CPT1A: variants seen among roughly 807,000 people sequenced by gnomAD.
CPT1A encodes the protein carnitine palmitoyltransferase 1A, also known as carnitine O-palmitoyltransferase 1, liver isoform.
A neutral mutation model predicts 100.8 loss-of-function variants in CPT1A; 64 were observed. That is an observed-to-expected ratio of 0.63 (90% CI 0.52 to 0.78). The LOEUF (loss-of-function observed/expected upper bound fraction) is 0.78. Ranked by LOEUF, CPT1A falls within the 30% of genes least tolerant of loss-of-function variation. The probability of loss-of-function intolerance (pLI) is 0.00; values close to 1 mark genes in which losing one functional copy is unlikely to be tolerated. For synonymous variants in CPT1A, 363 were observed against 396.0 expected, an observed-to-expected ratio of 0.92 and a Z score of 0.99; for missense variants, 802 against 1,034.1, an observed-to-expected ratio of 0.78 and a Z score of 3.08.
intron 1 of CPT1A, among the ~76,000 whole-genome samples, chr11:68,834,269 T>C (rs972672307): frequency 1.3e-5 from 2 of 152,106 alleles, no homozygotes; most frequent in Admixed American, 6.5e-5. Context: ...AAACCTCATC[T>C]CTAGTAAAAA....
rs533546154 is a variant in CPT1A at position 68,799,653 on chromosome 11, G to A, written c.556-298C>T. Among the ~76,000 whole-genome samples, 3 of 152,170 alleles carry A rather than the reference G, an allele frequency of 2.0e-5. No homozygotes were observed. In the South Asian group the frequency reaches 6.2e-4, roughly 32 times the overall value. ...GTCTGTGGTCCCAGCTACCTGGGGG[G>A]CTGAGGTTGGGAGGATCGCTTGAGC... is the stretch of plus-strand genomic sequence containing the variant. On this transcript the variant is annotated intron_variant, in intron 5 of 18. Transcript: ENST00000265641.
Position 68,795,781 on chromosome 11 carries a change from G to A in CPT1A, c.772-870C>T, listed in dbSNP as rs552027267. On this transcript the variant is annotated intron_variant, in intron 7 of 18. Coordinates refer to ENST00000265641, the MANE Select transcript of CPT1A (RefSeq NM_001876.4). ...AAAAATTAGCCGGGCGTTGTGGCAG[G>A]TGCCTGTAATCCCAGCTACTCGGGA... Among the ~76,000 whole-genome samples the A allele has an allele frequency of 5.3e-5, 8 of 151,964 alleles. No homozygotes were observed. In the East Asian group the frequency reaches 1.6e-3, roughly 29 times the overall value.
chr11:68,814,445 T>C (rs2154001298), intron 2 of CPT1A, among the ~76,000 whole-genome samples: 1 of 152,094 alleles, frequency 6.6e-6, no homozygotes, highest in East Asian at 1.9e-4. Context: ...TAGCTGGGAC[T>C]GCAGGCGCCC....
At chr11:68,814,213 TTAC>T (rs765374258) in intron 2 of CPT1A, among the ~76,000 whole-genome samples, 2,582 of 123,440 alleles carry the variant, frequency 0.021, 75 homozygotes, top group African/African-American at 0.11. Flanking sequence ...AACAAGACAC[TTAC>T]TTAAAAAAGA....
rs753306793 is a variant in CPT1A, at chr11:68,785,964, C to T, written c.968-954G>A. ...AATGTGATGAAGTACGTTCACTCCA[C>T]GAATATTTATCAAGTCCTCTTAAGC... On this transcript the variant is annotated intron_variant, in intron 9 of 18. Transcript: ENST00000265641. 5.5e-4 allele frequency: 383 copies of T among 700,572 alleles called. 1 individual carries two copies. The highest frequency in any genetic ancestry group is 8.7e-4 in the Non-Finnish European group (335 of 384,166). 43.4% of individuals were successfully genotyped at this position (700,572 alleles called of 1,614,324 possible). A position where few individuals can be genotyped will look rare whatever the true frequency, so the allele number is the denominator to read the frequency against.
chr11:68,842,066 G>T, upstream of CPT1A: 2 of 649,876 alleles, frequency 3.1e-6, no homozygotes, highest in Non-Finnish European at 3.8e-6. Context: ...CTCGACCTCT[G>T]CCGGAATGGG....
intron 1 of CPT1A, among the ~76,000 whole-genome samples, chr11:68,830,791 G>C (rs1856857426): frequency 6.6e-6 from 1 of 152,142 alleles, no homozygotes; most frequent in East Asian, 1.9e-4. Context: ...ACTTTAGGGG[G>C]CAGCCCACGA....
rs1857167629 is a variant in CPT1A at position 68,841,826 on chromosome 11, G to GCGA, written c.-66_-65insTCG. 1 of 999,614 alleles carries GCGA rather than the reference G, an allele frequency of 1.0e-6. No homozygotes were observed. The highest frequency in any genetic ancestry group is 1.7e-5 in the African/African-American group (1 of 57,240). The allele number at this position is 999,614 out of a possible 1,614,324, so 61.9% of individuals were successfully genotyped here. A position where few individuals can be genotyped will look rare whatever the true frequency, so the allele number is the denominator to read the frequency against. On this transcript the variant is annotated 5_prime_UTR_variant, in exon 1 of 19. Coordinates refer to ENST00000265641, the MANE Select transcript of CPT1A (RefSeq NM_001876.4). The surrounding 1 kb of genome is among the most constrained non-coding windows in gnomAD (Gnocchi z 6.3). ...GGCAGCGGCAGCGGCGGCGGCGGCGGCGGCGGTGGAGTGAACGAGCGGCGA... is the reference window on the plus strand; with the variant it reads ...GGCAGCGGCAGCGGCGGCGGCGGCGGCGACGGCGGTGGAGTGAACGAGCGGCGA...
At chr11:68,808,983 AAAT>A (rs1451028771) in intron 3 of CPT1A, among the ~76,000 whole-genome samples, 10 of 150,006 alleles carry the variant, frequency 6.7e-5, no homozygotes, top group Admixed American at 5.9e-4. Flanking sequence ...AAGAAATAAA[AAAT>A]AATAAAAATA....
chr11:68,775,122 A>T (rs1855107869), intron 13 of CPT1A, among the ~76,000 whole-genome samples, 194 bp downstream of exon 13: 1 of 152,320 alleles, frequency 6.6e-6, no homozygotes, highest in African/African-American at 2.4e-5. Context: ...ATATTTACCG[A>T]GGCTTCCGAG....
chr11:68,784,717 G>T, intron 10 of CPT1A, 98 bp downstream of exon 10: 2 of 1,216,796 alleles, frequency 1.6e-6, no homozygotes, highest in South Asian at 1.3e-5. Flanking sequence ...GGGGAGTCCC[G>T]TGCCAGGATT....
Position 68,759,577 on chromosome 11 carries a change from G to T in CPT1A, c.2227C>A (p.Pro743Thr), listed in dbSNP as rs777232283. 1 of 1,608,540 alleles carries T rather than the reference G, an allele frequency of 6.2e-7. No homozygotes were observed. The change falls in exon 18 of 19, where the codon CCT becomes ACT. Residue 743 changes from proline (P) to threonine (T), a missense_variant. Transcript: ENST00000265641. ...NFHISSKFSCPETDSHRFGRH... is the reference protein window; with the variant it reads ...NFHISSKFSCTETDSHRFGRH... ...CTTCTTTTCATACATACCGTCTCAG[G>T]GCAAGAGAACTTGGAAGAAATGTGG...
intron 4 of CPT1A, among the ~76,000 whole-genome samples, chr11:68,805,015 T>C (rs1856003486): frequency 6.6e-6 from 1 of 152,208 alleles, no homozygotes; most frequent in South Asian, 2.1e-4. Context: ...GAACCTCAGC[T>C]GTGAACCCAC....
intron 1 of CPT1A, among the ~76,000 whole-genome samples, chr11:68,819,261 G>A (rs568384578): frequency 6.6e-6 from 1 of 152,120 alleles, no homozygotes; most frequent in South Asian, 2.1e-4. Flanking sequence ...TCTATTTTTA[G>A]TGGAGACAGG....
chr11:68,830,639 C>A (rs183551762), intron 1 of CPT1A, among the ~76,000 whole-genome samples: 70 of 152,356 alleles, frequency 4.6e-4, no homozygotes, highest in African/African-American at 1.6e-3. Context: ...ACCTTCCAAG[C>A]TCAGCTCTCC....
upstream of CPT1A, among the ~76,000 whole-genome samples, chr11:68,842,695 C>T (rs1165195148): frequency 6.6e-6 from 1 of 152,118 alleles, no homozygotes; most frequent in African/African-American, 2.4e-5. Flanking sequence ...GCAGAGCGAC[C>T]GAGAGACCCT....
At chr11:68,830,834 A>G (rs564529654) in intron 1 of CPT1A, among the ~76,000 whole-genome samples, 10 of 152,354 alleles carry the variant, frequency 6.6e-5, no homozygotes, top group Non-Finnish European at 1.5e-4. Flanking sequence ...TACAAGAGAC[A>G]TTTAGCAATG....
At chr11:68,832,644 C>T (rs901534226) in intron 1 of CPT1A, among the ~76,000 whole-genome samples, 8 of 152,222 alleles carry the variant, frequency 5.3e-5, no homozygotes, top group African/African-American at 1.7e-4. Context: ...AATAAAACTC[C>T]AGTAAGTATA....
At chr11:68,798,667 T>C (rs903853104) in intron 6 of CPT1A, among the ~76,000 whole-genome samples, 1 of 151,816 alleles carries the variant, frequency 6.6e-6, no homozygotes, top group Non-Finnish European at 1.5e-5. Context: ...ACACCATCCC[T>C]GCATCCACCA....
Sources: gnomAD v4.1 joint callset for allele counts (sites outside exome capture counted in the v4.1 genomes callset) on GRCh38, gnomAD v4.1.1 for gene constraint, Gnocchi (gnomAD v3.1) non-coding constraint, MANE v1.5 for transcripts, NCBI Gene and HGNC (gene_info 2026-07-23, HGNC 2026-07-21) for gene names.